Variants in NAGPA observed in about 807,000 individuals in gnomAD.
The protein encoded by NAGPA is alpha-N-acetylglucosaminyl phosphodiesterase.
NAGPA carries 56 observed loss-of-function variants against 48.5 expected under a neutral mutation model. The observed-to-expected ratio is 1.15, with a 90% confidence interval of 0.93 to 1.44. The LOEUF (loss-of-function observed/expected upper bound fraction) is 1.44, where lower values mean the gene tolerates loss of function less well. Among genes scored for constraint, NAGPA ranks in the 40% most tolerant of loss-of-function variants. The probability of loss-of-function intolerance (pLI) is 0.00; values close to 1 mark genes in which losing one functional copy is unlikely to be tolerated. For synonymous variants in NAGPA, 399 were observed against 315.5 expected, an observed-to-expected ratio of 1.26 and a Z score of -2.81; for missense variants, 888 against 735.0, an observed-to-expected ratio of 1.21 and a Z score of -2.41.
chr16:5,027,136 T>C lies in NAGPA; in HGVS notation c.1339A>G (p.Arg447Gly), dbSNP rs1204900882. The C allele has an allele frequency of 1.2e-6, 2 of 1,614,056 alleles. No individual in the cohort carries two copies. ...LRAGELSFFT[R>G]TAWLALTLAL... ...CCCAGCTCCCACAGAAGCACCTACC[T>C]GGTGAAAAAGGAGAGTTCTCCCGCC... Residue 447 changes from arginine to glycine, a missense_variant and splice_region_variant, in exon 9 of 10, where the codon AGG becomes GGG. Physicochemically the swap from Arg to Gly is moderately radical, Grantham distance 125 (BLOSUM62 -2). Transcript: ENST00000312251.
At position 5,027,986 on chromosome 16, in the gene NAGPA, T is replaced by C. The variant is rs753155332; in HGVS notation, c.1120A>G (p.Thr374Ala). 3 of 1,575,610 alleles carry C rather than the reference T, an allele frequency of 1.9e-6. No individual in the cohort carries two copies. Among genetic ancestry groups the C allele is most frequent in the Non-Finnish European group, 2.6e-6 (3 of 1,164,122 alleles). Reference sequence around the variant, plus strand: ...CCCCAGAACCCCCACTCACTCTCCGTGCACAGTCCGTGCTGGCTGCAGTTA... The same window carrying C: ...CCCCAGAACCCCCACTCACTCTCCGCGCACAGTCCGTGCTGGCTGCAGTTA... ...PSNCSQHGLC[T>A]ETGCRCDAGW... is the part of the protein sequence containing the mutation. The change falls in exon 6 of 10, where the codon ACG becomes GCG. Residue 374 changes from threonine (T) to alanine (A), a missense_variant. Coordinates refer to ENST00000312251, the MANE Select transcript of NAGPA (RefSeq NM_016256.4).
rs1166450027 is a variant in NAGPA, at chr16:5,033,880, C to T, written c.35G>A (p.Arg12Gln). The T allele has an allele frequency of 6.5e-7, 1 of 1,549,260 alleles. No homozygotes were observed. The highest frequency in any genetic ancestry group is 8.7e-7 in the Non-Finnish European group (1 of 1,146,944). Reference protein sequence around the residue: ...ATSTGRWLLLRLALFGFLWEA... With the variant: ...ATSTGRWLLLQLALFGFLWEA... ...CCAGAGGAAGCCGAATAGTGCAAGC[C>T]GGAGGAGAAGCCAGCGACCCGTGGA... The change falls in exon 1 of 10, where the codon CGG becomes CAG. Residue 12 changes from arginine to glutamine, a missense_variant. Coordinates refer to ENST00000312251, the MANE Select transcript of NAGPA (RefSeq NM_016256.4). This position sits in a 1 kb window ranked among gnomAD's most constrained non-coding sequence, Gnocchi z 4.2.
chr16:5,026,918 C>G (rs1191053285), intron 9 of NAGPA, among the ~76,000 whole-genome samples: 1 of 152,196 alleles, frequency 6.6e-6, no homozygotes, highest in Non-Finnish European at 1.5e-5. Context: ...GCATTCTGAG[C>G]TCCAGTGGGG....
In NAGPA at chr16:5,033,486, C is replaced by T. The variant is rs1374030518; in HGVS notation, c.329G>A (p.Gly110Asp). 6.4e-7 allele frequency: 1 copy of T among 1,568,802 alleles called. No individual in the cohort carries two copies. The stretch of plus-strand genomic sequence containing the variant: ...TCTCGCCGCGCAGCCGCCGGGTCCA[C>T]CGGGCTCCAGCACCGAGAAGGTGCG... ...PLRTFSVLEP[G>D]GPGGCAARRR... is the part of the protein sequence containing the mutation. Residue 110 changes from glycine to aspartate, a missense_variant, in exon 2 of 10, where the codon GGT (glycine) becomes GAT (aspartate). By Grantham distance (94) the Gly-to-Asp change is moderately conservative. Transcript: ENST00000312251. This position sits in a 1 kb window ranked among gnomAD's most constrained non-coding sequence, Gnocchi z 4.2.
At chr16:5,029,478 T>A (rs1956063882) in intron 4 of NAGPA, 1 of 246,900 alleles carries the variant, frequency 4.1e-6, no homozygotes, top group Admixed American at 5.1e-5. Flanking sequence ...CGACGGGGAT[T>A]CTTCCAACAA....
In NAGPA at chr16:5,025,690, A is replaced by G. The variant is rs1955987803; in HGVS notation, c.1341-5T>C. On this transcript the variant is annotated splice_polypyrimidine_tract_variant and splice_region_variant and intron_variant, in intron 9 of 9. Transcript: ENST00000312251. ...GTGAGGGCTAGCCAGGCGGTCCTGC[A>G]GACAGGAGAGAAGCCCCAAGTGGGG... The G allele has an allele frequency of 1.9e-6, 3 of 1,592,950 alleles. No individual in the cohort carries two copies. Among genetic ancestry groups the G allele is most frequent in the Non-Finnish European group, 2.6e-6 (3 of 1,169,904 alleles).
chr16:5,027,118 C>G lies in NAGPA; in HGVS notation c.1340+17G>C. 2 of 1,613,988 alleles carry G rather than the reference C, an allele frequency of 1.2e-6. No individual in the cohort carries two copies. Among genetic ancestry groups the G allele is most frequent in the Non-Finnish European group, 8.5e-7 (1 of 1,180,008 alleles). ...GATTCCTCCCGCCCTGGCCCCAGCT[C>G]CCACAGAAGCACCTACCTGGTGAAA... On this transcript the variant is annotated intron_variant, in intron 9 of 9. Transcript: ENST00000312251.
At position 5,027,962 on chromosome 16, in the gene NAGPA, C is replaced by A. The variant is rs769760835; in HGVS notation, c.1126+18G>T. ...AGGCAGGGCTGGGCAGAGCCCCCTC[C>A]CCAGAACCCCCACTCACTCTCCGTG... On this transcript the variant is annotated intron_variant, in intron 6 of 9. Transcript: ENST00000312251. 6.2e-7 allele frequency: 1 copy of A among 1,613,406 alleles called. No individual in the cohort carries two copies. The highest frequency in any genetic ancestry group is 1.1e-5 in the South Asian group (1 of 91,064).
intron 6 of NAGPA, 29 bp from the exon 7 acceptor site, chr16:5,027,922 T>G: frequency 6.2e-7 from 1 of 1,611,260 alleles, no homozygotes; most frequent in East Asian, 2.2e-5. Flanking sequence ...GGAGGCCAGG[T>G]GAGGGCCTAG....
At position 5,033,249 on chromosome 16, in the gene NAGPA, G is replaced by A. The variant is rs144686485; in HGVS notation, c.542+24C>T. The A allele has an allele frequency of 7.8e-4, 1,223 of 1,573,896 alleles. 4 individuals carry two copies. The African/African-American group carries it at 0.015, about 19-fold the overall frequency. ...AATCTCAGGCCCTCTGCCCTCGACA[G>A]CACGGGGCTCCCTGCCTCCTCACCC... On this transcript the variant is annotated intron_variant, in intron 2 of 9. Coordinates refer to ENST00000312251, the MANE Select transcript of NAGPA (RefSeq NM_016256.4). This position sits in a 1 kb window ranked among gnomAD's most constrained non-coding sequence, Gnocchi z 4.2.
At chr16:5,031,616 C>T (rs1956097164) in intron 3 of NAGPA, 129 bp downstream of exon 3, 1 of 1,252,016 alleles carries the variant, frequency 8.0e-7, no homozygotes, top group African/African-American at 1.5e-5. Context: ...CCATGAATCC[C>T]CAGTACCCAG....
intron 2 of NAGPA, chr16:5,032,919 A>C: frequency 2.3e-5 from 8 of 347,338 alleles, no homozygotes; most frequent in East Asian, 7.1e-5. Context: ...AATCAACACT[A>C]TTTACAACGG....
chr16:5,030,357 C>G (rs1246963625), intron 4 of NAGPA, 28 bp downstream of exon 4: 1 of 1,544,500 alleles, frequency 6.5e-7, no homozygotes, highest in African/African-American at 1.4e-5. Flanking sequence ...TGAGCCCCGG[C>G]CGGGGGGCCT....
chr16:5,032,257 C>T (rs1180348619), intron 2 of NAGPA, among the ~76,000 whole-genome samples: 4 of 152,174 alleles, frequency 2.6e-5, no homozygotes, highest in Non-Finnish European at 5.9e-5. Flanking sequence ...TTCTCCACTG[C>T]TCTCTCCCAC....
rs540357354 is a variant in NAGPA at position 5,025,588 on chromosome 16, G to A, written c.1438C>T (p.Arg480Trp). 3.4e-5 allele frequency: 55 copies of A among 1,613,770 alleles called. No individual in the cohort carries two copies. Among genetic ancestry groups the A allele is most frequent in the Non-Finnish European group, 4.2e-5 (50 of 1,180,052 alleles). Residue 480 changes from arginine (R) to tryptophan (W), a missense_variant, in exon 10 of 10, where the codon CGG becomes TGG. By Grantham distance (101) the Arg-to-Trp change is moderately radical. Transcript: ENST00000312251. ...TATGCATAGTCCCCATGCAGGCGCCGGTTCCTCTCTGCTCTGGACAGGAGC... is the reference window on the plus strand; with the variant it reads ...TATGCATAGTCCCCATGCAGGCGCCAGTTCCTCTCTGCTCTGGACAGGAGC... ...SLLLSRAERN[R>W]RLHGDYAYHP...
At chr16:5,026,346 G>A (rs1956001111) in intron 9 of NAGPA, among the ~76,000 whole-genome samples, 1 of 148,588 alleles carries the variant, frequency 6.7e-6, no homozygotes, top group African/African-American at 2.5e-5. Flanking sequence ...AGGAGTTCAA[G>A]ACCAGCCTGG....
intron 3 of NAGPA, 152 bp from the exon 4 acceptor site, chr16:5,030,645 C>T: frequency 2.8e-6 from 2 of 714,964 alleles, no homozygotes; most frequent in Non-Finnish European, 2.5e-6. Context: ...TCTGCACATC[C>T]CAGTCTCCCC....
chr16:5,032,272 T>C (rs1956114216), intron 2 of NAGPA, among the ~76,000 whole-genome samples: 1 of 152,180 alleles, frequency 6.6e-6, no homozygotes. Flanking sequence ...TCCCACCTGG[T>C]CCCACTCAGG....
Position 5,028,058 on chromosome 16 carries a change from G to T in NAGPA, c.1048C>A (p.His350Asn). The T allele has an allele frequency of 1.2e-6, 2 of 1,613,788 alleles. No homozygotes were observed. The highest frequency in any genetic ancestry group is 1.1e-5 in the South Asian group (1 of 91,082). ...CVDGHCQCTG[H>N]FWRGPGCDEL... ...TCACAGCCGGGACCCCGCCAGAAGT[G>T]CCCGGTGCATTGGCAGTGCCCGTCC... The change falls in exon 6 of 10, where the codon CAC (histidine) becomes AAC (asparagine). Residue 350 changes from histidine to asparagine, a missense_variant. His to Asn is a moderately conservative substitution (Grantham distance 68). Coordinates refer to ENST00000312251, the MANE Select transcript of NAGPA (RefSeq NM_016256.4).
Sources: gnomAD v4.1 joint callset for allele counts (sites outside exome capture counted in the v4.1 genomes callset) on GRCh38, gnomAD v4.1.1 for gene constraint, Gnocchi (gnomAD v3.1) non-coding constraint, MANE v1.5 for transcripts, NCBI Gene and HGNC (gene_info 2026-07-23, HGNC 2026-07-21) for gene names.